REDIC1: variants seen among roughly 807,000 people sequenced by gnomAD.
REDIC1 encodes HEI10 Interacting Protein 1.
At chr12:39,743,362 A>G in the REDIC1 span, among the ~76,000 whole-genome samples, 1 of 152,166 alleles carries the variant, frequency 6.6e-6, no homozygotes, top group Non-Finnish European at 1.5e-5. Context: ...GAACCATAGA[A>G]TGCTTCCCCT....
the REDIC1 span, among the ~76,000 whole-genome samples, chr12:39,793,787 T>C: frequency 6.6e-6 from 1 of 152,106 alleles, no homozygotes; most frequent in Non-Finnish European, 1.5e-5. Context: ...AAATGCATAA[T>C]TTCTAGGGTC....
chr12:39,828,918 A>T, the REDIC1 span, among the ~76,000 whole-genome samples: 7 of 152,112 alleles, frequency 4.6e-5, no homozygotes, highest in Non-Finnish European at 1.0e-4. Context: ...TAATTAGTAT[A>T]TTTAAAATGT....
At chr12:39,668,598 G>T in the REDIC1 span, among the ~76,000 whole-genome samples, 4 of 151,836 alleles carry the variant, frequency 2.6e-5, no homozygotes, top group South Asian at 6.2e-4. Flanking sequence ...TTAAATGTTG[G>T]CCTGCCTTGC....
chr12:39,676,705 A>G, the REDIC1 span, among the ~76,000 whole-genome samples: 1 of 152,206 alleles, frequency 6.6e-6, no homozygotes, highest in African/African-American at 2.4e-5. Flanking sequence ...ACTGTGAGGC[A>G]AAAGCATCAG....
At chr12:39,899,325 A>T in the REDIC1 span, among the ~76,000 whole-genome samples, 66,417 of 151,814 alleles carry the variant, frequency 0.44, 15,112 homozygotes, top group Middle Eastern at 0.52. Flanking sequence ...ATTGGTGGTG[A>T]TATCCCCTTT....
the REDIC1 span, among the ~76,000 whole-genome samples, chr12:39,666,955 C>G: frequency 6.6e-6 from 1 of 152,124 alleles, no homozygotes; most frequent in Non-Finnish European, 1.5e-5. Flanking sequence ...ATTCTTCTCT[C>G]TTTTCTTCTT....
chr12:39,810,696 T>C, the REDIC1 span, among the ~76,000 whole-genome samples: 2 of 152,172 alleles, frequency 1.3e-5, no homozygotes, highest in Non-Finnish European at 2.9e-5. Flanking sequence ...GATTAGGAAT[T>C]TAATCAATTT....
the REDIC1 span, among the ~76,000 whole-genome samples, chr12:39,681,367 G>A: frequency 2.0e-5 from 3 of 152,172 alleles, no homozygotes; most frequent in Non-Finnish European, 4.4e-5. Context: ...ATTGGGTACA[G>A]TGTACACTGC....
At chr12:39,795,789 G>T in the REDIC1 span, among the ~76,000 whole-genome samples, 1 of 152,136 alleles carries the variant, frequency 6.6e-6, no homozygotes, top group Non-Finnish European at 1.5e-5. Flanking sequence ...GGGGTAGAGT[G>T]TCCTGCTCTA....
At chr12:39,901,637 A>C in the REDIC1 span, among the ~76,000 whole-genome samples, 1 of 126,786 alleles carries the variant, frequency 7.9e-6, no homozygotes, top group African/African-American at 3.0e-5. Context: ...CAAAACCACA[A>C]TGAGATACCA....
chr12:39,635,587 G>A, the REDIC1 span, among the ~76,000 whole-genome samples: 1 of 133,106 alleles, frequency 7.5e-6, no homozygotes, highest in African/African-American at 2.8e-5. Flanking sequence ...GGTGGGAGTT[G>A]AACAATGAGA....
the REDIC1 span, among the ~76,000 whole-genome samples, chr12:39,788,275 TA>T: frequency 6.6e-6 from 1 of 152,026 alleles, no homozygotes; most frequent in Non-Finnish European, 1.5e-5. Context: ...AATAATAAAA[TA>T]AAAAACAATT....
the REDIC1 span, chr12:39,820,009 A>G: frequency 6.6e-6 from 1 of 152,178 alleles, no homozygotes; most frequent in Non-Finnish European, 1.5e-5. Context: ...AAATTCTGTT[A>G]TATAATCCAA....
chr12:39,763,403 CCATT>C, the REDIC1 span, among the ~76,000 whole-genome samples: 2 of 152,048 alleles, frequency 1.3e-5, no homozygotes, highest in African/African-American at 4.8e-5. Context: ...ATCATATTCA[CCATT>C]CATCTGCAAA....
chr12:39,794,743 C>T, the REDIC1 span, among the ~76,000 whole-genome samples: 2 of 152,176 alleles, frequency 1.3e-5, no homozygotes, highest in African/African-American at 4.8e-5. Context: ...CTGGGGGCTG[C>T]CTGATTTGCG....
chr12:39,665,820 A>G, the REDIC1 span, among the ~76,000 whole-genome samples: 3 of 151,930 alleles, frequency 2.0e-5, no homozygotes, highest in East Asian at 5.8e-4. Flanking sequence ...TAGGTATTTT[A>G]TTCTCTTGGA....
chr12:39,752,247 T>C, the REDIC1 span, among the ~76,000 whole-genome samples: 1 of 152,134 alleles, frequency 6.6e-6, no homozygotes, highest in Admixed American at 6.5e-5. Context: ...GATGGGCAAG[T>C]GAGCATTACC....
the REDIC1 span, among the ~76,000 whole-genome samples, chr12:39,629,641 T>C: frequency 6.6e-6 from 1 of 152,198 alleles, no homozygotes; most frequent in Non-Finnish European, 1.5e-5. Flanking sequence ...TAAGCTTCCC[T>C]TATTTTCCTT....
chr12:39,659,238 A>T, the REDIC1 span, among the ~76,000 whole-genome samples: 1 of 151,850 alleles, frequency 6.6e-6, no homozygotes, highest in African/African-American at 2.4e-5. Flanking sequence ...TTTTTCTGTC[A>T]TGATTTTTTA....
Sources: gnomAD v4.1 joint callset for allele counts (sites outside exome capture counted in the v4.1 genomes callset) on GRCh38, gnomAD v4.1.1 for gene constraint, MANE v1.5 for transcripts, NCBI Gene and HGNC (gene_info 2026-07-23, HGNC 2026-07-21) for gene names.